The following ATAD2B variants were observed in gnomAD, a reference collection of about 807,000 sequenced individuals.
The protein encoded by ATAD2B is ATPase family AAA domain-containing protein 2B.
In ATAD2B, 40 loss-of-function variants were observed where a neutral mutation model predicts 167.6. The ratio of observed to expected loss-of-function variants is 0.24; its 90% CI spans 0.19 to 0.31. ATAD2B has a LOEUF of 0.31. ATAD2B is among the 10% of genes least tolerant of loss of function. ATAD2B has a pLI of 1.00. For synonymous variants in ATAD2B, 579 were observed against 596.5 expected, an observed-to-expected ratio of 0.97 and a Z score of 0.43; for missense variants, 1,242 against 1,757.2, an observed-to-expected ratio of 0.71 and a Z score of 5.24.
chr2:23,733,705 C>A, the ATAD2B span, among the ~76,000 whole-genome samples: 1 of 152,076 alleles, frequency 6.6e-6, no homozygotes, highest in Non-Finnish European at 1.5e-5. Flanking sequence ...CAATTCCAGG[C>A]CCCTTCTTTA....
chr2:23,832,940 A>C (rs1349242517), intron 14 of ATAD2B, among the ~76,000 whole-genome samples: 2 of 152,256 alleles, frequency 1.3e-5, no homozygotes, highest in East Asian at 1.9e-4. Context: ...TACTACAAAT[A>C]AACACACCAA....
chr2:23,799,185 C>T (rs1683066785), intron 18 of ATAD2B, among the ~76,000 whole-genome samples: 1 of 152,186 alleles, frequency 6.6e-6, no homozygotes, highest in Admixed American at 6.5e-5. Flanking sequence ...AAAAATCTTT[C>T]TTCCATTTTG....
intron 24 of ATAD2B, among the ~76,000 whole-genome samples, chr2:23,759,669 T>A (rs1467704528): frequency 6.6e-6 from 1 of 152,228 alleles, no homozygotes; most frequent in Non-Finnish European, 1.5e-5. Context: ...CCTTCAAAAC[T>A]GTAATCCTGT....
chr2:23,766,771 C>A (rs572815545), intron 22 of ATAD2B, among the ~76,000 whole-genome samples: 1 of 152,218 alleles, frequency 6.6e-6, no homozygotes, highest in East Asian at 1.9e-4. Context: ...GCAAAACACC[C>A]TGAAAAACAG....
rs1038871151 is a variant in ATAD2B, at chr2:23,879,832, A to G, written c.901+807T>C. ...CACTTTGGGAGGCCAAGGTGGGCCA[A>G]TCACCTGAGGTCAGGAGTTCGAGAC... On this transcript the variant is annotated intron_variant, in intron 7 of 27. Coordinates refer to ENST00000238789, the MANE Select transcript of ATAD2B (RefSeq NM_017552.4). Among the ~76,000 whole-genome samples, 12 of 152,012 alleles carry G rather than the reference A, an allele frequency of 7.9e-5. 1 individual carries two copies. Among genetic ancestry groups the G allele is most frequent in the Non-Finnish European group, 4.4e-5 (3 of 68,010 alleles).
the ATAD2B span, among the ~76,000 whole-genome samples, chr2:23,736,336 T>C: frequency 6.6e-6 from 1 of 152,104 alleles, no homozygotes; most frequent in Non-Finnish European, 1.5e-5. Flanking sequence ...GGAAAGCAGG[T>C]TTTTAGTCCC....
chr2:23,906,635 G>C (rs1663932353), intron 1 of ATAD2B, among the ~76,000 whole-genome samples: 2 of 152,010 alleles, frequency 1.3e-5, no homozygotes, highest in South Asian at 2.1e-4. Flanking sequence ...GCATCATCCT[G>C]ATACCAAAGC....
chr2:23,686,302 C>T, the ATAD2B span, among the ~76,000 whole-genome samples: 2 of 151,996 alleles, frequency 1.3e-5, no homozygotes, highest in African/African-American at 4.8e-5. Context: ...GGATGTGTCT[C>T]GGTGGCCCTC....
At position 23,757,699 on chromosome 2, in the gene ATAD2B, T is replaced by C. The variant is rs375321718; in HGVS notation, c.3797A>G (p.Asn1266Ser). ...AGTGGAAGCCTCACCATTTAGACAATTTCCTTTAAGGAAAGTCTCTTTCCT... is the reference window on the plus strand; with the variant it reads ...AGTGGAAGCCTCACCATTTAGACAACTTCCTTTAAGGAAAGTCTCTTTCCT... ...TSRKETFLKG[N>S]CLNGEASTDS... is the part of the protein sequence containing the mutation. The change falls in exon 25 of 28, where the codon AAT (asparagine) becomes AGT (serine). Residue 1266 changes from asparagine to serine, a missense_variant. This residue lies in a region of ATAD2B where 282 missense variants were observed against 346.8 expected (regional missense o/e 0.81). Transcript: ENST00000238789. The C allele has an allele frequency of 6.7e-5, 108 of 1,612,674 alleles. No homozygotes were observed. In the African/African-American group the frequency reaches 1.2e-3, roughly 18 times the overall value.
intron 13 of ATAD2B, among the ~76,000 whole-genome samples, chr2:23,841,098 A>ATTTTTTTTT (rs572061183): frequency 3.4e-5 from 4 of 117,180 alleles, no homozygotes; most frequent in Non-Finnish European, 7.1e-5. Flanking sequence ...ATGCATGGCT[A>ATTTTTTTTT]TTTTTTTTTT....
intron 1 of ATAD2B, among the ~76,000 whole-genome samples, chr2:23,920,319 A>G (rs959602351): frequency 6.6e-6 from 1 of 152,252 alleles, no homozygotes; most frequent in African/African-American, 2.4e-5. Context: ...CACACTAAGT[A>G]TCCATGCCAT....
chr2:23,715,488 G>A, the ATAD2B span, among the ~76,000 whole-genome samples: 53 of 152,108 alleles, frequency 3.5e-4, no homozygotes, highest in South Asian at 0.011. Context: ...GCAGGAGAAT[G>A]GCGTGAACCT....
At chr2:23,885,955 GT>G in intron 4 of ATAD2B, 126 bp from the exon 5 acceptor site, 23 of 574,862 alleles carry the variant, frequency 4.0e-5, no homozygotes, top group Admixed American at 1.0e-4. Flanking sequence ...TTTCTTTTTT[GT>G]TTTTTTTAGA....
At chr2:23,882,306 A>G (rs1400205875) in intron 6 of ATAD2B, among the ~76,000 whole-genome samples, 1 of 151,442 alleles carries the variant, frequency 6.6e-6, no homozygotes, top group African/African-American at 2.4e-5. Flanking sequence ...GGCGATTCTC[A>G]TATCTCAGCC....
At chr2:23,714,406 ATT>A in the ATAD2B span, among the ~76,000 whole-genome samples, 3 of 139,280 alleles carry the variant, frequency 2.2e-5, no homozygotes, top group Admixed American at 7.1e-5. Context: ...CGCCCGGCAA[ATT>A]TTTTTTTTTT....
At chr2:23,778,040 G>A (rs1412327689) in intron 22 of ATAD2B, among the ~76,000 whole-genome samples, 5 of 151,968 alleles carry the variant, frequency 3.3e-5, no homozygotes, top group East Asian at 1.9e-4. Context: ...ACTTGTAAAC[G>A]TAATACAACA....
chr2:23,734,995 T>C, the ATAD2B span, among the ~76,000 whole-genome samples: 3 of 152,232 alleles, frequency 2.0e-5, no homozygotes, highest in African/African-American at 7.2e-5. Flanking sequence ...TTACTATATC[T>C]TGTTGAAAGG....
chr2:23,906,600 G>A lies in ATAD2B; in HGVS notation c.217-10630C>T, dbSNP rs117099366. ...TGATCTGTCTAATATTGACTGTGGG[G>A]TGTTAAACTCATTTTATGAGGCCAG... On this transcript the variant is annotated intron_variant, in intron 1 of 27. Coordinates refer to ENST00000238789, the MANE Select transcript of ATAD2B (RefSeq NM_017552.4). Among the ~76,000 whole-genome samples the A allele has an allele frequency of 6.7e-3, 1,027 of 152,152 alleles. 30 individuals are homozygous for A. In the East Asian group the frequency reaches 0.08, roughly 12 times the overall value.
intron 17 of ATAD2B, chr2:23,811,508 ATGT>A (rs1685585246): frequency 6.6e-6 from 1 of 152,178 alleles, no homozygotes; most frequent in African/African-American, 2.4e-5. Context: ...CAATAAATTT[ATGT>A]TGTTATGTTC....
Sources: allele counts gnomAD v4.1 joint callset (sites outside exome capture counted in the v4.1 genomes callset), GRCh38; gene constraint gnomAD v4.1.1; regional missense constraint gnomAD v4.1.1; transcripts MANE v1.5; gene names NCBI Gene and HGNC (gene_info 2026-07-23, HGNC 2026-07-21).